Variants in C10orf105 observed in about 807,000 individuals in gnomAD.
The protein encoded by C10orf105 is chromosome 10 open reading frame 105, also known as uncharacterized protein C10orf105.
In C10orf105, 2 loss-of-function variants were observed where a neutral mutation model predicts 0.6. The observed-to-expected ratio is 3.18, with a 90% CI of 1.30 to 10.01. C10orf105 has a LOEUF of 10.01. Among genes scored for constraint, C10orf105 ranks in the 30% most tolerant of loss-of-function variants. C10orf105 has a pLI of 0.04. For missense variants in C10orf105, 209 were observed against 191.4 expected, an observed-to-expected ratio of 1.09 and a Z score of -0.54; for synonymous variants, 95 against 82.4, an observed-to-expected ratio of 1.15 and a Z score of -0.83.
In C10orf105 at chr10:71,712,465, T is replaced by G; in HGVS notation, c.*3471A>C. On this transcript the variant is annotated 3_prime_UTR_variant, in exon 2 of 2. Coordinates refer to ENST00000441508, the MANE Select transcript of C10orf105 (RefSeq NM_001164375.3). ...GGACTGAATGGGTTAGAAGAATGGC[T>G]GGCACATGGTGTTATCTAAGTATTT... is the stretch of plus-strand genomic sequence containing the variant. The G allele has an allele frequency of 1.7e-6, 1 of 584,304 alleles. No homozygotes were observed. Among genetic ancestry groups the G allele is most frequent in the South Asian group, 2.1e-5 (1 of 46,554 alleles). 36.2% of individuals were successfully genotyped at this position (584,304 alleles called of 1,614,324 possible). A position where few individuals can be genotyped will look rare whatever the true frequency, so the allele number is the denominator to read the frequency against.
At position 71,712,804 on chromosome 10, in the gene C10orf105, C is replaced by A; in HGVS notation, c.*3132G>T. The A allele has an allele frequency of 6.2e-7, 1 of 1,612,118 alleles. No individual in the cohort carries two copies. The highest frequency in any genetic ancestry group is 8.5e-7 in the Non-Finnish European group (1 of 1,179,368). On this transcript the variant is annotated 3_prime_UTR_variant, in exon 2 of 2. Coordinates refer to ENST00000441508, the MANE Select transcript of C10orf105 (RefSeq NM_001164375.3). ...CTGAGGACATCCCTGAAGGCCACAG[C>A]ATCTTGCAGGCAGGTGGCCCGTGGC... is the stretch of plus-strand genomic sequence containing the variant.
chr10:71,736,124 C>T (rs1366782506), intron 1 of C10orf105, among the ~76,000 whole-genome samples: 4 of 152,224 alleles, frequency 2.6e-5, no homozygotes, highest in South Asian at 2.1e-4. Context: ...TTCCTCAGCA[C>T]GGCTGTTGAG....
Position 71,711,744 on chromosome 10 carries a change from T to C in C10orf105, c.*4192A>G, listed in dbSNP as rs1865977263. On this transcript the variant is annotated 3_prime_UTR_variant, in exon 2 of 2. Coordinates refer to ENST00000441508, the MANE Select transcript of C10orf105 (RefSeq NM_001164375.3). ...GAGATTTTATTTAAAAGCTCAGATGTTCAATTTCTCATGAGAAATCAGAAG... is the reference window on the plus strand; with the variant it reads ...GAGATTTTATTTAAAAGCTCAGATGCTCAATTTCTCATGAGAAATCAGAAG... 6.6e-6 allele frequency: 1 copy of C among 152,200 alleles called. No individual in the cohort carries two copies. The highest frequency in any genetic ancestry group is 2.1e-4 in the South Asian group (1 of 4,830). The allele number at this position is 152,200 out of a possible 1,614,324, so 9.4% of individuals were successfully genotyped here. A position where few individuals can be genotyped will look rare whatever the true frequency, so the allele number is the denominator to read the frequency against.
At chr10:71,732,830 A>G (rs1839435864) in intron 1 of C10orf105, 1 of 415,806 alleles carries the variant, frequency 2.4e-6, no homozygotes, top group Non-Finnish European at 3.4e-6. Context: ...TCGGCAACCA[A>G]TTATCTGACT....
upstream of C10orf105, among the ~76,000 whole-genome samples, chr10:71,720,541 C>T (rs1200803915): frequency 6.6e-6 from 1 of 152,196 alleles, no homozygotes; most frequent in Non-Finnish European, 1.5e-5. Context: ...GGCAGCTTCC[C>T]CACCAGGGAC....
Position 71,734,317 on chromosome 10 carries a change from C to T in C10orf105, c.-6+3411G>A, listed in dbSNP as rs777502746. 9.3e-6 allele frequency: 15 copies of T among 1,610,812 alleles called. No homozygotes were observed. The highest frequency in any genetic ancestry group is 3.3e-5 in the South Asian group (3 of 90,374). On this transcript the variant is annotated intron_variant, in intron 1 of 1. Coordinates refer to the C10orf105 transcript ENST00000398786. ...CCTTGACAGTGGTGGCAGATGACGGCGGCCCCAAGGTGGACTCCACCGTGG... is the reference window on the plus strand; with the variant it reads ...CCTTGACAGTGGTGGCAGATGACGGTGGCCCCAAGGTGGACTCCACCGTGG...
upstream of C10orf105, among the ~76,000 whole-genome samples, chr10:71,723,232 TG>T (rs1442065673): frequency 6.6e-6 from 1 of 152,138 alleles, no homozygotes; most frequent in Non-Finnish European, 1.5e-5. Flanking sequence ...TGCACTGCCC[TG>T]GGGGGTGTTT....
At chr10:71,726,846 G>A (rs111282468) in intron 1 of C10orf105, among the ~76,000 whole-genome samples, 95 of 152,242 alleles carry the variant, frequency 6.2e-4, no homozygotes, top group African/African-American at 2.0e-3. Context: ...TCACCCAGGC[G>A]TGGTGGGCTC....
At chr10:71,718,886 G>A (rs1177944567) in intron 1 of C10orf105, among the ~76,000 whole-genome samples, 1 of 151,620 alleles carries the variant, frequency 6.6e-6, no homozygotes, top group Non-Finnish European at 1.5e-5. Context: ...GGGCAACATA[G>A]TGAGTCTTCA....
chr10:71,716,293 G>T lies in C10orf105; in HGVS notation c.45C>A (p.Ser15Arg). The T allele has an allele frequency of 6.6e-7, 1 of 1,520,250 alleles. No individual in the cohort carries two copies. The highest frequency in any genetic ancestry group is 8.9e-7 in the Non-Finnish European group (1 of 1,129,278). 94.2% of individuals were successfully genotyped at this position (1,520,250 alleles called of 1,614,324 possible). Reference protein sequence around the residue: ...GPSLASSPAISPLAFLSAPVT... With the variant: ...GPSLASSPAIRPLAFLSAPVT... ...CGGGAGCTGAGAGAAAGGCGAGGGG[G>T]CTGATGGCTGGGGAGCTGGCGAGGC... The change falls in exon 2 of 2, where the codon AGC becomes AGA. Residue 15 changes from serine to arginine, a missense_variant. Ser to Arg is a moderately radical substitution (Grantham distance 110, BLOSUM62 -1). Coordinates refer to ENST00000441508, the MANE Select transcript of C10orf105 (RefSeq NM_001164375.3).
chr10:71,731,941 C>G, intron 1 of C10orf105: 3 of 1,582,644 alleles, frequency 1.9e-6, no homozygotes, highest in Non-Finnish European at 2.6e-6. Flanking sequence ...AGCGCAGCCC[C>G]ACTCAGTTCT....
chr10:71,712,954 G>A lies in C10orf105; in HGVS notation c.*2982C>T. 4 of 1,027,784 alleles carry A rather than the reference G, an allele frequency of 3.9e-6. No homozygotes were observed. Among genetic ancestry groups the A allele is most frequent in the Non-Finnish European group, 5.9e-6 (4 of 677,992 alleles). 63.7% of individuals were successfully genotyped at this position (1,027,784 alleles called of 1,614,324 possible). Reference sequence around the variant, plus strand: ...TGGGTCCGCTGCTCTGGAAGGTGCTGTGGGGAAAGGGGGACCCAGGCCCTC... The same window carrying A: ...TGGGTCCGCTGCTCTGGAAGGTGCTATGGGGAAAGGGGGACCCAGGCCCTC... On this transcript the variant is annotated 3_prime_UTR_variant, in exon 2 of 2. Coordinates refer to ENST00000441508, the MANE Select transcript of C10orf105 (RefSeq NM_001164375.3).
At position 71,713,277 on chromosome 10, in the gene C10orf105, C is replaced by T. The variant is rs1866063808; in HGVS notation, c.*2659G>A. 1.3e-6 allele frequency: 1 copy of T among 779,442 alleles called. No homozygotes were observed. Among genetic ancestry groups the T allele is most frequent in the East Asian group, 2.4e-5 (1 of 41,252 alleles). 48.3% of individuals were successfully genotyped at this position (779,442 alleles called of 1,614,324 possible). On this transcript the variant is annotated 3_prime_UTR_variant, in exon 2 of 2. Coordinates refer to ENST00000441508, the MANE Select transcript of C10orf105 (RefSeq NM_001164375.3). The stretch of plus-strand genomic sequence containing the variant: ...GGCTCCTTTGCCCAGGGAGCAGGCG[C>T]AACAGCTCCAAGGCTCAGAGGGAGA...
At chr10:71,737,380 G>T (rs1839595704) in intron 1 of C10orf105, among the ~76,000 whole-genome samples, 1 of 152,228 alleles carries the variant, frequency 6.6e-6, no homozygotes. Context: ...CCAAAATCGT[G>T]CAGCTCATAA....
rs1248414655 is a variant in C10orf105 at position 71,716,018 on chromosome 10, C to T, written c.320G>A (p.Arg107Gln). 5.4e-5 allele frequency: 81 copies of T among 1,499,528 alleles called. No individual in the cohort carries two copies. The highest frequency in any genetic ancestry group is 6.8e-5 in the Non-Finnish European group (76 of 1,123,774). The allele number at this position is 1,499,528 out of a possible 1,614,324, so 92.9% of individuals were successfully genotyped here. Reference sequence around the variant, plus strand: ...CAGGGGCTGTCGAGGGACGGTGGGCCGGCCATGGCGGAAGCTGTGCAGGGA... The same window carrying T: ...CAGGGGCTGTCGAGGGACGGTGGGCTGGCCATGGCGGAAGCTGTGCAGGGA... ...RLSLHSFRHGRPTVPRQPLPG... is the reference protein window; with the variant it reads ...RLSLHSFRHGQPTVPRQPLPG... Residue 107 changes from arginine to glutamine, a missense_variant, in exon 2 of 2, where the codon CGG (arginine) becomes CAG (glutamine). By Grantham distance (43) the Arg-to-Gln change is conservative. Transcript: ENST00000441508.
At position 71,715,933 on chromosome 10, in the gene C10orf105, C is replaced by G. The variant is rs1866198906; in HGVS notation, c.*3G>C. ...ATGTGGGGGCATGTTTGTGGACACC[C>G]CATTACATCTTGGTAGATTCCATGT... On this transcript the variant is annotated 3_prime_UTR_variant, in exon 2 of 2. Coordinates refer to ENST00000441508, the MANE Select transcript of C10orf105 (RefSeq NM_001164375.3). 1 of 1,459,640 alleles carries G rather than the reference C, an allele frequency of 6.9e-7. No homozygotes were observed. Among genetic ancestry groups the G allele is most frequent in the African/African-American group, 1.4e-5 (1 of 69,660 alleles). 90.4% of individuals were successfully genotyped at this position (1,459,640 alleles called of 1,614,324 possible). A position where few individuals can be genotyped will look rare whatever the true frequency, so the allele number is the denominator to read the frequency against.
At chr10:71,729,427 A>G (rs1305623887) in intron 1 of C10orf105, among the ~76,000 whole-genome samples, 1 of 152,198 alleles carries the variant, frequency 6.6e-6, no homozygotes, top group Non-Finnish European at 1.5e-5. Context: ...GGAGCCCTAA[A>G]GCGTCCCCTC....
chr10:71,727,429 C>T (rs1297625751), intron 1 of C10orf105, among the ~76,000 whole-genome samples: 2 of 152,228 alleles, frequency 1.3e-5, no homozygotes, highest in Admixed American at 1.3e-4. Flanking sequence ...TAGTACACAG[C>T]CTCCACACCC....
chr10:71,722,320 T>A (rs113134909), upstream of C10orf105, among the ~76,000 whole-genome samples: 1 of 152,158 alleles, frequency 6.6e-6, no homozygotes, highest in Admixed American at 6.5e-5. Flanking sequence ...AAGTGTACTG[T>A]AGCAATACTG....
Sources: allele counts gnomAD v4.1 joint callset (sites outside exome capture counted in the v4.1 genomes callset), GRCh38; gene constraint gnomAD v4.1.1; transcripts MANE v1.5; gene names NCBI Gene and HGNC (gene_info 2026-07-23, HGNC 2026-07-21).